PCDHGB3: variants seen among roughly 807,000 people sequenced by gnomAD.
PCDHGB3 encodes the protein protocadherin gamma-B3.
In PCDHGB3, 40 loss-of-function variants were observed where a neutral mutation model predicts 59.2. The observed-to-expected ratio is 0.68, with a 90% CI of 0.52 to 0.88. The LOEUF is 0.88. Ranked by LOEUF, PCDHGB3 falls within the 40% of genes least tolerant of loss-of-function variation. The probability of loss-of-function intolerance (pLI) is 0.00; values close to 1 mark genes in which losing one functional copy is unlikely to be tolerated. For synonymous variants in PCDHGB3, 581 were observed against 503.6 expected, an observed-to-expected ratio of 1.15 and a Z score of -2.06; for missense variants, 1,309 against 1,187.9, an observed-to-expected ratio of 1.10 and a Z score of -1.50.
chr5:141,390,176 C>T lies in PCDHGB3; in HGVS notation c.2415+17367C>T, dbSNP rs763410454. The T allele has an allele frequency of 5.6e-6, 9 of 1,614,000 alleles. No individual in the cohort carries two copies. In the East Asian group the frequency reaches 1.1e-4, roughly 20 times the overall value. ...ATACAGGAAAGACGGAGTTTAATTT[C>T]CTAAAATGTAGTGAGCAGTTGAGTT... On this transcript the variant is annotated intron_variant, in intron 1 of 3. Transcript: ENST00000576222.
intron 1 of PCDHGB3, chr5:141,430,441 C>A (rs1168234012): frequency 5.2e-6 from 1 of 192,346 alleles, no homozygotes; most frequent in Non-Finnish European, 1.0e-5. Flanking sequence ...GATTTCCATC[C>A]CCTTTTGAAG....
Position 141,423,601 on chromosome 5 carries a change from C to T in PCDHGB3, c.2415+50792C>T, listed in dbSNP as rs372165060. On this transcript the variant is annotated intron_variant, in intron 1 of 3. Transcript: ENST00000576222. The stretch of plus-strand genomic sequence containing the variant: ...GGAGAGCTGTGAGAAAAGCGAGCCA[C>T]TCTTGATAGCTGAAGACTCAGCTAT... The T allele has an allele frequency of 1.9e-6, 3 of 1,612,586 alleles. No homozygotes were observed. Among genetic ancestry groups the T allele is most frequent in the Admixed American group, 1.7e-5 (1 of 59,924 alleles).
In PCDHGB3 at chr5:141,390,150, C is replaced by A. The variant is rs768850867; in HGVS notation, c.2415+17341C>A. The A allele has an allele frequency of 3.7e-6, 6 of 1,613,916 alleles. No homozygotes were observed. The African/African-American group carries it at 8.0e-5, about 22-fold the overall frequency. On this transcript the variant is annotated intron_variant, in intron 1 of 3. Transcript: ENST00000576222. ...TTATTCCTACAATCTATGTGTTGCA[C>A]ATACAGGAAAGACGGAGTTTAATTT...
intron 1 of PCDHGB3, among the ~76,000 whole-genome samples, chr5:141,436,809 A>T (rs2097847373): frequency 6.6e-6 from 1 of 152,242 alleles, no homozygotes; most frequent in Non-Finnish European, 1.5e-5. Context: ...TTTTTGTGAC[A>T]GCTGGTTTAA....
At chr5:141,457,514 CAATT>C (rs1258794594) in intron 1 of PCDHGB3, among the ~76,000 whole-genome samples, 2 of 152,260 alleles carry the variant, frequency 1.3e-5, no homozygotes, top group African/African-American at 4.8e-5. Context: ...AGCTTAAAAA[CAATT>C]AATGAGACTA....
chr5:141,417,701 C>T (rs1382264857), intron 1 of PCDHGB3: 1 of 1,192,516 alleles, frequency 8.4e-7, no homozygotes, highest in Admixed American at 3.0e-5. Flanking sequence ...CCAGCTCCCA[C>T]ACAGAGGCTC....
chr5:141,393,465 G>A lies in PCDHGB3; in HGVS notation c.2415+20656G>A, dbSNP rs776962387. The stretch of plus-strand genomic sequence containing the variant: ...CCTGGTCCTCACGGCCTCGGATGGC[G>A]GCAAGCCGCCTCGCTCTAGCACAGT... On this transcript the variant is annotated intron_variant, in intron 1 of 3. Transcript: ENST00000576222. 23 of 1,614,048 alleles carry A rather than the reference G, an allele frequency of 1.4e-5. No homozygotes were observed. The East Asian group carries it at 5.1e-4, about 36-fold the overall frequency.
chr5:141,503,222 G>C (rs540244346), intron 2 of PCDHGB3, among the ~76,000 whole-genome samples: 1 of 152,120 alleles, frequency 6.6e-6, no homozygotes, highest in Middle Eastern at 3.4e-3. Context: ...CATGAGCACC[G>C]TAAAGATGGA....
Position 141,474,743 on chromosome 5 carries a change from T to A in PCDHGB3, c.2416-20064T>A, listed in dbSNP as rs113053006. Among the ~76,000 whole-genome samples the A allele has an allele frequency of 4.0e-3, 610 of 152,354 alleles. 8 individuals carry two copies. The highest frequency in any genetic ancestry group is 0.014 in the African/African-American group (593 of 41,580). On this transcript the variant is annotated intron_variant, in intron 1 of 3. Transcript: ENST00000576222. ...AGGACTCTATGCAATCAAAGTGATG[T>A]CCAAGACAAATATACAGAAATAGTA...
At position 141,431,294 on chromosome 5, in the gene PCDHGB3, T is replaced by C; in HGVS notation, c.2415+58485T>C. 1.9e-6 allele frequency: 3 copies of C among 1,614,096 alleles called. No individual in the cohort carries two copies. Among genetic ancestry groups the C allele is most frequent in the Non-Finnish European group, 2.5e-6 (3 of 1,180,026 alleles). ...CGAGCTCAGCCCGAACACTCACTTC[T>C]CCCTCATCGTGCAAAATGGAGCCGA... On this transcript the variant is annotated intron_variant, in intron 1 of 3. Transcript: ENST00000576222. The surrounding 1 kb of genome is among the most constrained non-coding windows in gnomAD (Gnocchi z 4.8).
At chr5:141,506,240 G>A (rs918820495) in intron 3 of PCDHGB3, among the ~76,000 whole-genome samples, 8 of 152,184 alleles carry the variant, frequency 5.3e-5, no homozygotes, top group Middle Eastern at 3.4e-3. Flanking sequence ...CATGAGGTCA[G>A]GAGTTCGAAA....
rs182132552 is a variant in PCDHGB3 at position 141,435,146 on chromosome 5, T to A, written c.2416-59661T>A. Among the ~76,000 whole-genome samples the A allele has an allele frequency of 4.6e-3, 696 of 152,288 alleles. 5 individuals carry two copies. Among genetic ancestry groups the A allele is most frequent in the African/African-American group, 0.016 (677 of 41,554 alleles). ...ATGGAAAATATAAATAAAATTGTGA[T>A]AAACTTTTGTAAATAGAGTGGCTTT... On this transcript the variant is annotated intron_variant, in intron 1 of 3. Transcript: ENST00000576222.
intron 1 of PCDHGB3, chr5:141,398,312 C>A: frequency 1.5e-6 from 2 of 1,355,208 alleles, no homozygotes; most frequent in East Asian, 2.5e-5. Flanking sequence ...CAGGAGTTAC[C>A]GACTCGAAAA....
At position 141,402,836 on chromosome 5, in the gene PCDHGB3, A is replaced by G. The variant is rs115293033; in HGVS notation, c.2415+30027A>G. 4.8e-4 allele frequency: 668 copies of G among 1,379,778 alleles called. 2 individuals are homozygous for G. The African/African-American group carries it at 8.5e-3, about 18-fold the overall frequency. 85.5% of individuals were successfully genotyped at this position (1,379,778 alleles called of 1,614,324 possible). On this transcript the variant is annotated intron_variant, in intron 1 of 3. Coordinates refer to ENST00000576222, the MANE Select transcript of PCDHGB3 (RefSeq NM_018924.5). ...ACAAACCTGCTCCCAGGCTGCAGCA[A>G]AACTCAGCCTCTTTCTTCTAAGGAA...
Position 141,477,068 on chromosome 5 carries a change from C to G in PCDHGB3, c.2416-17739C>G. The G allele has an allele frequency of 6.2e-7, 1 of 1,614,268 alleles. No individual in the cohort carries two copies. Among genetic ancestry groups the G allele is most frequent in the Non-Finnish European group, 8.5e-7 (1 of 1,180,046 alleles). On this transcript the variant is annotated intron_variant, in intron 1 of 3. Coordinates refer to ENST00000576222, the MANE Select transcript of PCDHGB3 (RefSeq NM_018924.5). This position sits in a 1 kb window ranked among gnomAD's most constrained non-coding sequence, Gnocchi z 4.9. ...GCTGGACTTCGAGGACACCAAACTC[C>G]ATGAGATTTACATCCAGGCCAAAGA...
rs200790843 is a variant in PCDHGB3 at position 141,432,196 on chromosome 5, C to A, written c.2415+59387C>A. ...TCGTCTCTGTGACCGCCCACGACCCCGACTGTGAAGAGAACGCCCAGATCA... is the reference window on the plus strand; with the variant it reads ...TCGTCTCTGTGACCGCCCACGACCCAGACTGTGAAGAGAACGCCCAGATCA... On this transcript the variant is annotated intron_variant, in intron 1 of 3. Coordinates refer to ENST00000576222, the MANE Select transcript of PCDHGB3 (RefSeq NM_018924.5). This position sits in a 1 kb window ranked among gnomAD's most constrained non-coding sequence, Gnocchi z 6.0. The A allele has an allele frequency of 6.2e-7, 1 of 1,614,192 alleles. No homozygotes were observed.
intron 1 of PCDHGB3, among the ~76,000 whole-genome samples, chr5:141,459,101 C>A (rs1021289352): frequency 6.6e-6 from 1 of 152,192 alleles, no homozygotes; most frequent in Non-Finnish European, 1.5e-5. Context: ...CAGTGCAATG[C>A]ATTTTGACAA....
At chr5:141,387,837 T>G (rs2091115137) in intron 1 of PCDHGB3, 1 of 1,597,490 alleles carries the variant, frequency 6.3e-7, no homozygotes, top group African/African-American at 1.3e-5. Flanking sequence ...AGGTTATTTG[T>G]AACCCGGCGT....
At chr5:141,389,887 A>G (rs1473090410) in intron 1 of PCDHGB3, 2 of 1,613,940 alleles carry the variant, frequency 1.2e-6, no homozygotes, top group East Asian at 2.2e-5. Context: ...AGCTTGCAGG[A>G]GGTGCTGCCG....
Sources: allele counts gnomAD v4.1 joint callset (sites outside exome capture counted in the v4.1 genomes callset), GRCh38; gene constraint gnomAD v4.1.1; non-coding constraint Gnocchi (gnomAD v3.1); transcripts MANE v1.5; gene names NCBI Gene and HGNC (gene_info 2026-07-23, HGNC 2026-07-21).